The following CADM1 variants were observed in gnomAD, a reference collection of about 807,000 sequenced individuals.
CADM1 encodes the protein cell adhesion molecule 1, also known as TSLC-1.
A neutral mutation model predicts 53.1 loss-of-function variants in CADM1; 15 were observed. That is an observed-to-expected ratio of 0.28 (90% confidence interval 0.19 to 0.44). The LOEUF (loss-of-function observed/expected upper bound fraction) is 0.44, where lower values mean the gene tolerates loss of function less well. CADM1 is among the 20% of genes least tolerant of loss of function. The pLI, the probability that CADM1 is intolerant of heterozygous loss-of-function variation, is 1.00. For synonymous variants in CADM1, 281 were observed against 243.0 expected, an observed-to-expected ratio of 1.16 and a Z score of -1.45; for missense variants, 434 against 611.3, an observed-to-expected ratio of 0.71 and a Z score of 3.06.
chr11:115,442,163 A>C (rs956732005), intron 1 of CADM1, among the ~76,000 whole-genome samples: 1 of 151,892 alleles, frequency 6.6e-6, no homozygotes, highest in African/African-American at 2.4e-5. Context: ...GTCACACTAG[A>C]TGGATGGTGA....
intron 1 of CADM1, among the ~76,000 whole-genome samples, chr11:115,378,648 T>C (rs1249602847): frequency 6.6e-6 from 1 of 152,214 alleles, no homozygotes; most frequent in Non-Finnish European, 1.5e-5. Context: ...GAATAGTATT[T>C]GTCAATGGTT....
intron 1 of CADM1, among the ~76,000 whole-genome samples, chr11:115,305,835 T>A (rs1944350600): frequency 7.0e-6 from 1 of 143,542 alleles, no homozygotes; most frequent in Non-Finnish European, 1.5e-5. Context: ...TATTTAGTTC[T>A]GATCAAATTC....
chr11:115,295,766 G>T (rs746337935), intron 1 of CADM1, among the ~76,000 whole-genome samples: 1 of 151,536 alleles, frequency 6.6e-6, no homozygotes, highest in Non-Finnish European at 1.5e-5. Flanking sequence ...GATCAAACTA[G>T]CCTACAACAT....
intron 1 of CADM1, among the ~76,000 whole-genome samples, chr11:115,311,755 GTTATCATTT>G (rs1262113292): frequency 6.6e-6 from 1 of 152,006 alleles, no homozygotes; most frequent in Non-Finnish European, 1.5e-5. Context: ...TCTTTTTCAT[GTTATCATTT>G]TTATCATTTT....
intron 1 of CADM1, among the ~76,000 whole-genome samples, chr11:115,336,287 C>T (rs1945265303): frequency 6.6e-6 from 1 of 152,092 alleles, no homozygotes; most frequent in Non-Finnish European, 1.5e-5. Context: ...AATGTCAACA[C>T]ACCCAAAAAA....
At chr11:115,318,816 G>C (rs1944743708) in intron 1 of CADM1, among the ~76,000 whole-genome samples, 1 of 152,148 alleles carries the variant, frequency 6.6e-6, no homozygotes, top group South Asian at 2.1e-4. Flanking sequence ...GTTGGAATAG[G>C]TAGGTGGTGA....
intron 9 of CADM1, among the ~76,000 whole-genome samples, chr11:115,192,614 T>G (rs1007287434): frequency 6.6e-6 from 1 of 152,246 alleles, no homozygotes; most frequent in Non-Finnish European, 1.5e-5. Context: ...CACTTCTACC[T>G]GGCCCAACAA....
chr11:115,377,641 T>C (rs1591760898), intron 1 of CADM1: 2 of 152,206 alleles, frequency 1.3e-5, no homozygotes, highest in East Asian at 1.9e-4. Context: ...TAATAATTCA[T>C]ATACCTAGGC....
chr11:115,253,921 C>T (rs1317221655), intron 1 of CADM1, among the ~76,000 whole-genome samples: 1 of 152,158 alleles, frequency 6.6e-6, no homozygotes, highest in African/African-American at 2.4e-5. Flanking sequence ...GGGTTCAATC[C>T]TAGCTCTGCC....
At chr11:115,431,959 ATT>A (rs1198552645) in intron 1 of CADM1, among the ~76,000 whole-genome samples, 3 of 151,416 alleles carry the variant, frequency 2.0e-5, no homozygotes, top group African/African-American at 7.3e-5. Context: ...ATAATACCAT[ATT>A]TTGAGACAGA....
At chr11:115,255,191 G>A (rs964041857) in intron 1 of CADM1, among the ~76,000 whole-genome samples, 25 of 152,150 alleles carry the variant, frequency 1.6e-4, no homozygotes, top group Non-Finnish European at 3.4e-4. Flanking sequence ...CTCTATAAAC[G>A]TCAGTTAAGG....
At chr11:115,419,451 C>A (rs1947699176) in intron 1 of CADM1, among the ~76,000 whole-genome samples, 1 of 152,176 alleles carries the variant, frequency 6.6e-6, no homozygotes, top group South Asian at 2.1e-4. Context: ...CCCTCCCCTG[C>A]CTTTAAGAAA....
At chr11:115,443,011 G>A (rs1948358409) in intron 1 of CADM1, among the ~76,000 whole-genome samples, 1 of 152,166 alleles carries the variant, frequency 6.6e-6, no homozygotes, top group Non-Finnish European at 1.5e-5. Context: ...CTAAGCATAT[G>A]CCAAGGCATA....
intron 1 of CADM1, among the ~76,000 whole-genome samples, chr11:115,488,837 C>A (rs1399536710): frequency 6.6e-6 from 1 of 152,098 alleles, no homozygotes; most frequent in Non-Finnish European, 1.5e-5. Flanking sequence ...TTAAACACAG[C>A]AAAAAGCCAT....
At chr11:115,463,933 A>G (rs1948845297) in intron 1 of CADM1, among the ~76,000 whole-genome samples, 1 of 152,088 alleles carries the variant, frequency 6.6e-6, no homozygotes, top group Admixed American at 6.6e-5. Context: ...CCAGGTGCAA[A>G]TTAATTTTTC....
intron 8 of CADM1, among the ~76,000 whole-genome samples, chr11:115,202,824 G>A (rs1377218845): frequency 1.3e-5 from 2 of 150,552 alleles, no homozygotes; most frequent in Non-Finnish European, 2.9e-5. Flanking sequence ...GTGCTGTGCT[G>A]GCCAATATAT....
intron 1 of CADM1, among the ~76,000 whole-genome samples, chr11:115,304,472 G>C (rs1249295831): frequency 6.6e-6 from 1 of 152,010 alleles, no homozygotes; most frequent in African/African-American, 2.4e-5. Flanking sequence ...CAAATGCTTT[G>C]ATAGAAAAAC....
chr11:115,270,463 C>T (rs546168667), intron 1 of CADM1, among the ~76,000 whole-genome samples: 1 of 152,182 alleles, frequency 6.6e-6, no homozygotes, highest in South Asian at 2.1e-4. Context: ...TCTGGGCACC[C>T]CCTCCCCTTT....
At chr11:115,267,159 AAAC>A (rs1943164475) in intron 1 of CADM1, among the ~76,000 whole-genome samples, 1 of 152,264 alleles carries the variant, frequency 6.6e-6, no homozygotes, top group Admixed American at 6.5e-5. Context: ...TGATGTACCC[AAAC>A]AAGAAAGTTC....
Sources: allele counts gnomAD v4.1 joint callset (sites outside exome capture counted in the v4.1 genomes callset), GRCh38; gene constraint gnomAD v4.1.1; transcripts MANE v1.5; gene names NCBI Gene and HGNC (gene_info 2026-07-23, HGNC 2026-07-21).